RFX2: variants seen among roughly 807,000 people sequenced by gnomAD.
The protein encoded by RFX2 is regulatory factor X2.
A neutral mutation model predicts 87.8 loss-of-function variants in RFX2; 20 were observed. The observed-to-expected ratio is 0.23, with a 90% CI of 0.16 to 0.33. The LOEUF (loss-of-function observed/expected upper bound fraction) is 0.33. RFX2 is among the 10% of genes least tolerant of loss of function. The probability of loss-of-function intolerance (pLI) is 1.00; values close to 1 mark genes in which losing one functional copy is unlikely to be tolerated. For missense variants in RFX2, 767 were observed against 1,012.3 expected, an observed-to-expected ratio of 0.76 and a Z score of 3.29; for synonymous variants, 397 against 431.3, an observed-to-expected ratio of 0.92 and a Z score of 0.98.
intron 1 of RFX2, among the ~76,000 whole-genome samples, chr19:6,066,397 G>A (rs965746310): frequency 5.1e-4 from 77 of 152,308 alleles, no homozygotes; most frequent in African/African-American, 1.8e-3. Flanking sequence ...GAAATTCTTA[G>A]GCAGCAGAAA....
In RFX2 at chr19:6,004,245, T is replaced by C. The variant is rs953423252; in HGVS notation, c.1456A>G (p.Thr486Ala). 2.5e-6 allele frequency: 4 copies of C among 1,613,700 alleles called. No homozygotes were observed. The highest frequency in any genetic ancestry group is 1.7e-5 in the Admixed American group (1 of 59,992). ...TGTGGGAAGTCACTCATGGCATTTG[T>C]CAACCAGCCTTCCAAGCTCTTGGCA... The part of the protein sequence containing the change: ...NFAKSLEGWL[T>A]NAMSDFPQQV... Residue 486 changes from threonine to alanine, a missense_variant, in exon 13 of 18, where the codon ACA becomes GCA. Physicochemically the swap from Thr to Ala is moderately conservative, Grantham distance 58. Coordinates refer to ENST00000303657, the MANE Select transcript of RFX2 (RefSeq NM_000635.4). The surrounding 1 kb of genome is among the most constrained non-coding windows in gnomAD (Gnocchi z 4.8).
chr19:6,004,430 G>T lies in RFX2; in HGVS notation c.1403-132C>A, dbSNP rs1056361163. ...ATGAAGAACGAGCCACACAGGCGAC[G>T]GGGAACCGAGGACACTTAGAAACGG... On this transcript the variant is annotated intron_variant, in intron 12 of 17. Coordinates refer to ENST00000303657, the MANE Select transcript of RFX2 (RefSeq NM_000635.4). The surrounding 1 kb of genome is among the most constrained non-coding windows in gnomAD (Gnocchi z 4.8). The T allele has an allele frequency of 5.6e-6, 4 of 717,090 alleles. No homozygotes were observed. The highest frequency in any genetic ancestry group is 1.0e-5 in the Non-Finnish European group (4 of 401,396). 44.4% of individuals were successfully genotyped at this position (717,090 alleles called of 1,614,324 possible). A position where few individuals can be genotyped will look rare whatever the true frequency, so the allele number is the denominator to read the frequency against.
intron 1 of RFX2, among the ~76,000 whole-genome samples, chr19:6,066,124 G>A (rs1428267735): frequency 1.3e-5 from 2 of 152,124 alleles, no homozygotes; most frequent in African/African-American, 4.8e-5. Context: ...AGGAGGTGGG[G>A]GAGTGAGGCT....
rs370532022 is a variant in RFX2 at position 6,008,154 on chromosome 19, T to C, written c.1086A>G (p.Thr362=). 1 of 1,556,286 alleles carries C rather than the reference T, an allele frequency of 6.4e-7. No homozygotes were observed. The highest frequency in any genetic ancestry group is 8.7e-7 in the Non-Finnish European group (1 of 1,148,660). Residue 362 remains threonine (T), a synonymous_variant, in exon 10 of 18, where the codon ACA becomes ACG. Transcript: ENST00000303657. ...LGSFLLQDGV[T]LHDVKALQLV... ...GCTGCAGGGCCTTGACGTCGTGCAG[T>C]GTGACGCCGTCCTGCAGCAGGAAGC...
At position 5,997,066 on chromosome 19, in the gene RFX2, C is replaced by T; in HGVS notation, c.2007G>A (p.Met669Ile). ...CACCCAGGAGGGTCCTCACCTCTCC[C>T]ATCACAGCGATCGGCGTCTCTCCGG... ...EATGETPIAV[M>I]GEFNDLASLS... Residue 669 changes from methionine (M) to isoleucine (I), a missense_variant, in exon 16 of 18, where the codon ATG becomes ATA. Transcript: ENST00000303657. This position sits in a 1 kb window ranked among gnomAD's most constrained non-coding sequence, Gnocchi z 4.2. 1 of 1,610,524 alleles carries T rather than the reference C, an allele frequency of 6.2e-7. No homozygotes were observed. Among genetic ancestry groups the T allele is most frequent in the Non-Finnish European group, 8.5e-7 (1 of 1,179,446 alleles).
Position 6,045,072 on chromosome 19 carries a change from T to C in RFX2, c.91-790A>G, listed in dbSNP as rs902290367. Among the ~76,000 whole-genome samples, 9 of 152,206 alleles carry C rather than the reference T, an allele frequency of 5.9e-5. No individual in the cohort carries two copies. The highest frequency in any genetic ancestry group is 1.2e-4 in the Non-Finnish European group (8 of 68,030). On this transcript the variant is annotated intron_variant, in intron 2 of 17. Coordinates refer to ENST00000303657, the MANE Select transcript of RFX2 (RefSeq NM_000635.4). The surrounding 1 kb of genome is among the most constrained non-coding windows in gnomAD (Gnocchi z 5.2). ...CTTTCGGAGTCATTGGCTGCAGTGC[T>C]GTGATTTCCCGGCATGAACCCTGAA... is the stretch of plus-strand genomic sequence containing the variant.
Position 6,010,220 on chromosome 19 carries a change from C to T in RFX2, c.931G>A (p.Gly311Arg), listed in dbSNP as rs552233405. 50 of 1,547,992 alleles carry T rather than the reference C, an allele frequency of 3.2e-5. No individual in the cohort carries two copies. The highest frequency in any genetic ancestry group is 1.5e-4 in the East Asian group (6 of 40,924). The change falls in exon 9 of 18, where the codon GGG (glycine) becomes AGG (arginine). Residue 311 changes from glycine to arginine, a missense_variant. Coordinates refer to ENST00000303657, the MANE Select transcript of RFX2 (RefSeq NM_000635.4). This position sits in a 1 kb window ranked among gnomAD's most constrained non-coding sequence, Gnocchi z 5.0. ...YRPAQKTDSL[G>R]DSGSHSGLHS... Reference sequence around the variant, plus strand: ...AGGCCGCTGTGGGAGCCGCTGTCCCCGAGGCTGTCCGTCTTCTGGGCTGGC... The same window carrying T: ...AGGCCGCTGTGGGAGCCGCTGTCCCTGAGGCTGTCCGTCTTCTGGGCTGGC...
At position 6,004,293 on chromosome 19, in the gene RFX2, A is replaced by G; in HGVS notation, c.1408T>C (p.Leu470=). The G allele has an allele frequency of 1.9e-6, 3 of 1,613,702 alleles. No homozygotes were observed. Among genetic ancestry groups the G allele is most frequent in the Non-Finnish European group, 2.5e-6 (3 of 1,179,586 alleles). The change falls in exon 13 of 18, where the codon TTG becomes CTG. Residue 470 remains leucine, a synonymous_variant. Transcript: ENST00000303657. This position sits in a 1 kb window ranked among gnomAD's most constrained non-coding sequence, Gnocchi z 4.8. The part of the protein sequence containing the change: ...PDVLRPVPST[L]TQAIRNFAKS... ...GCAAAGTTACGGATGGCCTGTGTCA[A>G]GGTACCTGGGGGATACAGACCATGA...
chr19:6,072,889 C>T, intron 1 of RFX2: 1 of 1,160,366 alleles, frequency 8.6e-7, no homozygotes, highest in Non-Finnish European at 1.3e-6. Flanking sequence ...GTTCATCTGG[C>T]ACCAGTCAGA....
intron 1 of RFX2, among the ~76,000 whole-genome samples, chr19:6,092,915 A>G (rs1314486576): frequency 2.6e-5 from 4 of 152,000 alleles, no homozygotes; most frequent in African/African-American, 9.7e-5. Context: ...AGAGGCAAGG[A>G]GTGGGACGGG....
At chr19:6,048,989 C>A (rs1256770076) in intron 1 of RFX2, 1 of 151,930 alleles carries the variant, frequency 6.6e-6, no homozygotes, top group Non-Finnish European at 1.5e-5. Flanking sequence ...ACTAGATGGC[C>A]CCAGAGCCAC....
At chr19:6,070,240 G>A (rs1250690349) in intron 1 of RFX2, among the ~76,000 whole-genome samples, 1 of 149,874 alleles carries the variant, frequency 6.7e-6, no homozygotes, top group African/African-American at 2.4e-5. Context: ...GGATGGGATG[G>A]GATGTGGATG....
chr19:6,081,993 CAGG>C lies in RFX2; in HGVS notation c.-9+28397_-9+28399del, dbSNP rs1474591554. On this transcript the variant is annotated intron_variant, in intron 1 of 17. Transcript: ENST00000303657. Reference sequence around the variant, plus strand: ...GTCCCAGCTACTCTGGAGGCTGAGGCAGGAGAATGGCGTGAACCTGGAGGCGGA... The same window carrying C: ...GTCCCAGCTACTCTGGAGGCTGAGGCAGAATGGCGTGAACCTGGAGGCGGA... Among the ~76,000 whole-genome samples, 4 of 152,292 alleles carry C rather than the reference CAGG, an allele frequency of 2.6e-5. No homozygotes were observed. The East Asian group carries it at 7.7e-4, about 29-fold the overall frequency.
At position 5,997,337 on chromosome 19, in the gene RFX2, G is replaced by T; in HGVS notation, c.1860-124C>A. On this transcript the variant is annotated intron_variant, in intron 15 of 17. Coordinates refer to ENST00000303657, the MANE Select transcript of RFX2 (RefSeq NM_000635.4). The surrounding 1 kb of genome is among the most constrained non-coding windows in gnomAD (Gnocchi z 4.2). ...TCCCTGGGGAACCCAGAGGCTGAGT[G>T]ATCCTAAGACGTGCAGGCCTACGCG... The T allele has an allele frequency of 8.6e-7, 1 of 1,161,746 alleles. No homozygotes were observed. Among genetic ancestry groups the T allele is most frequent in the Non-Finnish European group, 1.2e-6 (1 of 849,332 alleles). 72.0% of individuals were successfully genotyped at this position (1,161,746 alleles called of 1,614,324 possible).
intron 5 of RFX2, among the ~76,000 whole-genome samples, chr19:6,038,502 A>AT (rs977844462): frequency 6.6e-5 from 10 of 150,574 alleles, no homozygotes; most frequent in Admixed American, 1.3e-4. Context: ...CAAAATTAAA[A>AT]TTTTTTTTTT....
rs2086843979 is a variant in RFX2, at chr19:6,023,272, T to A, written c.597+2891A>T. 6.6e-6 allele frequency: 1 copy of A among 152,324 alleles called. No individual in the cohort carries two copies. The highest frequency in any genetic ancestry group is 2.1e-4 in the South Asian group (1 of 4,836). 9.4% of individuals were successfully genotyped at this position (152,324 alleles called of 1,614,324 possible). ...CCCAGCTGCTCCCACACACTTGGCT[T>A]ATCTGCCACAGGGTCAGGCTGGCAG... On this transcript the variant is annotated intron_variant, in intron 6 of 17. Coordinates refer to ENST00000303657, the MANE Select transcript of RFX2 (RefSeq NM_000635.4). The surrounding 1 kb of genome is among the most constrained non-coding windows in gnomAD (Gnocchi z 4.9).
intron 1 of RFX2, among the ~76,000 whole-genome samples, chr19:6,091,396 C>A (rs935574229): frequency 6.6e-6 from 1 of 151,128 alleles, no homozygotes; most frequent in Non-Finnish European, 1.5e-5. Context: ...TGCAATAAGC[C>A]ATGATCGCAC....
Position 6,011,435 on chromosome 19 carries a change from T to G in RFX2, c.900-1184A>C, listed in dbSNP as rs502646. ...AGGCCTACAGGGAGGCGGGAGACCA[T>G]GCTGGCGAGGTGTGTGTAAACCACC... On this transcript the variant is annotated intron_variant, in intron 8 of 17. Transcript: ENST00000303657. The surrounding 1 kb of genome is among the most constrained non-coding windows in gnomAD (Gnocchi z 4.8). 0.075 allele frequency among the ~76,000 whole-genome samples: 11,357 copies of G among 152,186 alleles called. 1,191 individuals carry two copies. Among genetic ancestry groups the G allele is most frequent in the African/African-American group, 0.24 (9,951 of 41,492 alleles).
chr19:6,105,899 G>T (rs1176435522), intron 1 of RFX2, among the ~76,000 whole-genome samples: 1 of 152,034 alleles, frequency 6.6e-6, no homozygotes, highest in Non-Finnish European at 1.5e-5. Flanking sequence ...GGCTCAGCTT[G>T]GCCACCTTAA....
Sources: gnomAD v4.1 joint callset for allele counts (sites outside exome capture counted in the v4.1 genomes callset) on GRCh38, gnomAD v4.1.1 for gene constraint, Gnocchi (gnomAD v3.1) non-coding constraint, MANE v1.5 for transcripts, NCBI Gene and HGNC (gene_info 2026-07-23, HGNC 2026-07-21) for gene names.